The following FBXL7 variants were observed in gnomAD, a reference collection of about 807,000 sequenced individuals.
FBXL7 encodes the protein F-box/LRR-repeat protein 7.
In FBXL7, 12 loss-of-function variants were observed where a neutral mutation model predicts 38.3. The ratio of observed to expected loss-of-function variants is 0.31; its 90% CI spans 0.20 to 0.51. The LOEUF (loss-of-function observed/expected upper bound fraction) is 0.51. FBXL7 is among the 20% of genes least tolerant of loss of function. The probability of loss-of-function intolerance (pLI) is 0.98; values close to 1 mark genes in which losing one functional copy is unlikely to be tolerated. For missense variants in FBXL7, 567 were observed against 676.4 expected (o/e 0.84, Z 1.79); for synonymous variants, 297 against 300.9 (o/e 0.99, Z 0.13).
intron 2 of FBXL7, among the ~76,000 whole-genome samples, chr5:15,677,789 TA>T (rs1742712606): frequency 6.6e-6 from 1 of 152,174 alleles, no homozygotes; most frequent in African/African-American, 2.4e-5. Context: ...GTCAGCCATT[TA>T]AAAAATACTA....
intron 2 of FBXL7, among the ~76,000 whole-genome samples, chr5:15,631,667 CAAAAAAAAAA>C (rs754975686): frequency 3.4e-4 from 15 of 43,928 alleles, no homozygotes; most frequent in South Asian, 1.3e-3. Context: ...AGCGAGACTC[CAAAAAAAAAA>C]AAAAAAAAAA....
intron 2 of FBXL7, among the ~76,000 whole-genome samples, chr5:15,903,401 T>C (rs1741279367): frequency 1.3e-5 from 2 of 152,226 alleles, no homozygotes; most frequent in South Asian, 4.1e-4. Flanking sequence ...GACATGGTTT[T>C]GTTGTTTCCT....
chr5:15,760,618 A>G (rs571453920), intron 2 of FBXL7, among the ~76,000 whole-genome samples: 25 of 152,212 alleles, frequency 1.6e-4, no homozygotes, highest in African/African-American at 5.8e-4. Flanking sequence ...TGTGAAAACT[A>G]AGGGATGAAG....
At chr5:15,787,940 C>G (rs1737172856) in intron 2 of FBXL7, among the ~76,000 whole-genome samples, 1 of 152,166 alleles carries the variant, frequency 6.6e-6, no homozygotes, top group Non-Finnish European at 1.5e-5. Context: ...GTTCTAGAGG[C>G]TGGAGGTCTG....
At chr5:15,699,843 T>C (rs554507533) in intron 2 of FBXL7, among the ~76,000 whole-genome samples, 1 of 152,334 alleles carries the variant, frequency 6.6e-6, no homozygotes, top group African/African-American at 2.4e-5. Flanking sequence ...ACAGCCCTAA[T>C]TGATGTTCTG....
At chr5:15,548,532 C>T (rs764117774) in intron 1 of FBXL7, among the ~76,000 whole-genome samples, 157 of 152,150 alleles carry the variant, frequency 1.0e-3, no homozygotes, top group Non-Finnish European at 2.1e-3. Context: ...TCCTCAGTCT[C>T]CTCATCTATA....
chr5:15,730,788 A>G (rs1405351194), intron 2 of FBXL7, among the ~76,000 whole-genome samples: 1 of 152,208 alleles, frequency 6.6e-6, no homozygotes, highest in Non-Finnish European at 1.5e-5. Context: ...CTTCCTGATA[A>G]CAAAAATTAA....
At chr5:15,649,497 T>C (rs1741638278) in intron 2 of FBXL7, among the ~76,000 whole-genome samples, 4 of 152,128 alleles carry the variant, frequency 2.6e-5, no homozygotes, top group Admixed American at 2.6e-4. Context: ...AGTAATGCTG[T>C]GAGGTCCGCA....
chr5:15,533,432 A>G (rs1262912175), intron 1 of FBXL7, among the ~76,000 whole-genome samples: 1 of 152,162 alleles, frequency 6.6e-6, no homozygotes, highest in Non-Finnish European at 1.5e-5. Flanking sequence ...TGGGGAGCCA[A>G]GGGGATTTGT....
At chr5:15,695,543 G>A (rs72745691) in intron 2 of FBXL7, among the ~76,000 whole-genome samples, 3,418 of 152,168 alleles carry the variant, frequency 0.022, 58 homozygotes, top group Non-Finnish European at 0.037. Flanking sequence ...GCTGGATATG[G>A]AAAAAGGAAC....
At chr5:15,513,914 T>A (rs1225317501) in intron 1 of FBXL7, among the ~76,000 whole-genome samples, 2 of 145,728 alleles carry the variant, frequency 1.4e-5, no homozygotes, top group Non-Finnish European at 3.1e-5. Flanking sequence ...TTTCTCTCTG[T>A]TTTTTTTCTC....
intron 1 of FBXL7, among the ~76,000 whole-genome samples, chr5:15,517,165 C>A (rs1475233848): frequency 6.6e-6 from 1 of 151,976 alleles, no homozygotes; most frequent in Admixed American, 6.6e-5. Flanking sequence ...TAGCTGGGAC[C>A]ACAGTCGCCC....
chr5:15,738,145 T>C lies in FBXL7; in HGVS notation c.127+122073T>C, dbSNP rs555859000. Among the ~76,000 whole-genome samples, 36 of 152,282 alleles carry C rather than the reference T, an allele frequency of 2.4e-4. No homozygotes were observed. In the South Asian group the frequency reaches 7.3e-3, roughly 31 times the overall value. ...ATAGTATGATAATTAACACCGACTC[T>C]ACAGAGTCACATGGCCTGGATGAAG... On this transcript the variant is annotated intron_variant, in intron 2 of 3. Transcript: ENST00000504595.
At chr5:15,648,725 C>T (rs1039670110) in intron 2 of FBXL7, among the ~76,000 whole-genome samples, 1 of 152,136 alleles carries the variant, frequency 6.6e-6, no homozygotes, top group Admixed American at 6.5e-5. Flanking sequence ...TTTTCCATGC[C>T]TCCCATCCTC....
chr5:15,693,220 G>A (rs993736375), intron 2 of FBXL7, among the ~76,000 whole-genome samples: 2 of 152,106 alleles, frequency 1.3e-5, no homozygotes, highest in African/African-American at 4.8e-5. Context: ...CCTGTGAGCT[G>A]TCTGCCTGGA....
chr5:15,537,446 A>C (rs904773453), intron 1 of FBXL7, among the ~76,000 whole-genome samples: 1 of 152,218 alleles, frequency 6.6e-6, no homozygotes, highest in Admixed American at 6.5e-5. Context: ...TAAACCATTC[A>C]CTGCATAGAA....
intron 1 of FBXL7, chr5:15,580,893 T>C: frequency 3.4e-6 from 3 of 891,158 alleles, no homozygotes; most frequent in Non-Finnish European, 4.0e-6. Context: ...AGACAGAAGG[T>C]TGGAATCCTG....
intron 1 of FBXL7, among the ~76,000 whole-genome samples, chr5:15,527,343 CTG>C (rs1206635155): frequency 6.6e-6 from 1 of 152,040 alleles, no homozygotes; most frequent in African/African-American, 2.4e-5. Context: ...AATGAAGTAT[CTG>C]TGATGGTGAT....
intron 1 of FBXL7, among the ~76,000 whole-genome samples, chr5:15,534,220 G>T (rs1416592495): frequency 6.6e-6 from 1 of 152,088 alleles, no homozygotes; most frequent in East Asian, 1.9e-4. Context: ...TTCACTCTTG[G>T]TGATATACAT....
Sources: gnomAD v4.1 joint callset for allele counts (sites outside exome capture counted in the v4.1 genomes callset) on GRCh38, gnomAD v4.1.1 for gene constraint, MANE v1.5 for transcripts, NCBI Gene and HGNC (gene_info 2026-07-23, HGNC 2026-07-21) for gene names.